Variants in CTBS observed in about 807,000 individuals in gnomAD.
CTBS encodes the protein chitobiase.
CTBS carries 35 observed loss-of-function variants against 44.3 expected under a neutral mutation model. The observed-to-expected ratio is 0.79, with a 90% CI of 0.60 to 1.05. The LOEUF (loss-of-function observed/expected upper bound fraction) is 1.05, where lower values mean the gene tolerates loss of function less well. Ranked by LOEUF, CTBS falls within the 50% of genes least tolerant of loss-of-function variation. The pLI, the probability that CTBS is intolerant of heterozygous loss-of-function variation, is 0.00. For synonymous variants in CTBS, 143 were observed against 168.0 expected, an observed-to-expected ratio of 0.85 and a Z score of 1.15; for missense variants, 458 against 475.3, an observed-to-expected ratio of 0.96 and a Z score of 0.34.
Position 84,550,603 on chromosome 1 carries a change from T to G in CTBS, c.*4396A>C. On this transcript the variant is annotated 3_prime_UTR_variant, in exon 7 of 7. Coordinates refer to ENST00000370630, the MANE Select transcript of CTBS (RefSeq NM_004388.3). ...ATAAAATATTTTGGTGTTTTAACTT[T>G]GGGTGTCAATAATATAAGGGTAGCC... The G allele has an allele frequency of 7.1e-7, 1 of 1,401,496 alleles. No homozygotes were observed. Among genetic ancestry groups the G allele is most frequent in the Non-Finnish European group, 9.3e-7 (1 of 1,070,608 alleles). The allele number at this position is 1,401,496 out of a possible 1,614,324, so 86.8% of individuals were successfully genotyped here.
chr1:84,570,213 C>T, intron 2 of CTBS, 74 bp from the exon 3 acceptor site: 3 of 1,253,874 alleles, frequency 2.4e-6, no homozygotes, highest in Admixed American at 2.4e-5. Flanking sequence ...AAGCCCTTAA[C>T]TGAAGTTTTC....
At position 84,551,302 on chromosome 1, in the gene CTBS, G is replaced by A; in HGVS notation, c.*3697C>T. On this transcript the variant is annotated 3_prime_UTR_variant, in exon 7 of 7. Coordinates refer to ENST00000370630, the MANE Select transcript of CTBS (RefSeq NM_004388.3). ...GAATAATGACTGCATTCTAGAATTA[G>A]CTCTTTTTAAAAAAATTTTAAAAAG... 1.0e-6 allele frequency: 1 copy of A among 976,126 alleles called. No individual in the cohort carries two copies. 60.5% of individuals were successfully genotyped at this position (976,126 alleles called of 1,614,324 possible). A position where few individuals can be genotyped will look rare whatever the true frequency, so the allele number is the denominator to read the frequency against.
chr1:84,570,964 G>A (rs1647285553), intron 1 of CTBS, among the ~76,000 whole-genome samples: 1 of 152,266 alleles, frequency 6.6e-6, no homozygotes, highest in South Asian at 2.1e-4. Flanking sequence ...GAGACAACAT[G>A]GTGGTTGCGT....
At position 84,571,853 on chromosome 1, in the gene CTBS, G is replaced by A. The variant is rs571258556; in HGVS notation, c.178-1133C>T. 2.0e-5 allele frequency among the ~76,000 whole-genome samples: 3 copies of A among 152,316 alleles called. No homozygotes were observed. In the South Asian group the frequency reaches 6.2e-4, roughly 32 times the overall value. On this transcript the variant is annotated intron_variant, in intron 1 of 6. Coordinates refer to ENST00000370630, the MANE Select transcript of CTBS (RefSeq NM_004388.3). ...GTGGGCTGAAATCAGCAGAATGATG[G>A]AAGAGATATACCTATGGACAAAAGA...
chr1:84,570,700 T>TC lies in CTBS; in HGVS notation c.197dup (p.Gln67ThrfsTer8). The TC allele has an allele frequency of 6.2e-7, 1 of 1,613,544 alleles. No individual in the cohort carries two copies. The highest frequency in any genetic ancestry group is 1.1e-5 in the South Asian group (1 of 90,978). On this transcript the variant is annotated frameshift_variant, in exon 2 of 7. Coordinates refer to ENST00000370630, the MANE Select transcript of CTBS (RefSeq NM_004388.3). LOFTEE classifies it high-confidence loss of function. ...AATCATAAGATTTCCAAGTTTTCTGTCCAACATCAAACACAAAGACCTGCC... is the reference window on the plus strand; with the variant it reads ...AATCATAAGATTTCCAAGTTTTCTGTCCCAACATCAAACACAAAGACCTGCC...
chr1:84,574,025 C>A (rs1647393115), intron 1 of CTBS: 1 of 1,407,488 alleles, frequency 7.1e-7, no homozygotes, highest in Middle Eastern at 2.2e-4. Context: ...CCTACGCAGG[C>A]ACTTACAGGC....
chr1:84,574,269 G>A lies in CTBS; in HGVS notation c.147C>T (p.Cys49=), dbSNP rs1408237841. ...TDCPCPEPEL[C]RPIRHHPDFE... ...AATCTGGATGGTGGCGAATCGGGCG[G>A]CAGAGCTCAGGCTCCGGGCATGGGC... Residue 49 remains cysteine, a synonymous_variant, in exon 1 of 7, where the codon TGC becomes TGT. Coordinates refer to ENST00000370630, the MANE Select transcript of CTBS (RefSeq NM_004388.3). 6.3e-7 allele frequency: 1 copy of A among 1,599,144 alleles called. No individual in the cohort carries two copies. Among genetic ancestry groups the A allele is most frequent in the Non-Finnish European group, 8.5e-7 (1 of 1,174,138 alleles).
Position 84,550,640 on chromosome 1 carries a change from T to C in CTBS, c.*4359A>G. 7.8e-7 allele frequency: 1 copy of C among 1,280,038 alleles called. No individual in the cohort carries two copies. Among genetic ancestry groups the C allele is most frequent in the South Asian group, 2.9e-5 (1 of 34,062 alleles). The allele number at this position is 1,280,038 out of a possible 1,614,324, so 79.3% of individuals were successfully genotyped here. ...ATATAAGGGTAGCCAGGATTGACTG[T>C]ATTAAAATTGTTACCTTAACAGTAA... On this transcript the variant is annotated 3_prime_UTR_variant, in exon 7 of 7. Coordinates refer to ENST00000370630, the MANE Select transcript of CTBS (RefSeq NM_004388.3).
intron 1 of CTBS, chr1:84,573,796 C>A: frequency 1.4e-6 from 1 of 717,340 alleles, no homozygotes; most frequent in Non-Finnish European, 1.7e-6. Context: ...AAGGAAAGGG[C>A]TAGCAGGTAT....
intron 3 of CTBS, among the ~76,000 whole-genome samples, chr1:84,569,356 A>G (rs1647228212): frequency 6.6e-6 from 1 of 152,186 alleles, no homozygotes; most frequent in Admixed American, 6.5e-5. Flanking sequence ...TATGTGGCCA[A>G]GTTTGAGGAT....
At chr1:84,557,445 A>G (rs938565501) in intron 6 of CTBS, among the ~76,000 whole-genome samples, 1 of 145,494 alleles carries the variant, frequency 6.9e-6, no homozygotes, top group Non-Finnish European at 1.5e-5. Context: ...AGGCAGGAGA[A>G]TTGCTTGAAC....
chr1:84,573,715 G>A (rs1352992759), intron 1 of CTBS, among the ~76,000 whole-genome samples: 1 of 152,204 alleles, frequency 6.6e-6, no homozygotes, highest in Non-Finnish European at 1.5e-5. Context: ...AAATTGTTAT[G>A]TAGATAGAAG....
intron 4 of CTBS, 115 bp from the exon 5 acceptor site, chr1:84,563,947 C>T (rs1260441046): frequency 5.8e-6 from 7 of 1,204,388 alleles, no homozygotes; most frequent in African/African-American, 1.6e-5. Context: ...TTATAAAAAA[C>T]ACTAATATTG....
At chr1:84,566,693 C>T (rs561361921) in intron 3 of CTBS, among the ~76,000 whole-genome samples, 5 of 152,216 alleles carry the variant, frequency 3.3e-5, no homozygotes, top group African/African-American at 1.2e-4. Context: ...AGTGCAGTGG[C>T]GCAATCTCAG....
chr1:84,561,399 A>G (rs576076454), intron 6 of CTBS, among the ~76,000 whole-genome samples: 1 of 152,374 alleles, frequency 6.6e-6, no homozygotes, highest in South Asian at 2.1e-4. Flanking sequence ...GCTACTTCTT[A>G]TGAATACGCA....
chr1:84,563,535 A>T, intron 5 of CTBS, 117 bp from the exon 6 acceptor site: 1 of 776,100 alleles, frequency 1.3e-6, no homozygotes, highest in Non-Finnish European at 1.8e-6. Flanking sequence ...ACCTGACTAT[A>T]CAGAAAAAAG....
At chr1:84,567,012 G>A (rs1259730788) in intron 3 of CTBS, among the ~76,000 whole-genome samples, 1 of 152,098 alleles carries the variant, frequency 6.6e-6, no homozygotes, top group East Asian at 1.9e-4. Context: ...ATATTAATTA[G>A]CCTTATTTTA....
rs1426865371 is a variant in CTBS, at chr1:84,574,390, C to T, written c.26G>A (p.Trp9Ter). 6 of 1,559,098 alleles carry T rather than the reference C, an allele frequency of 3.8e-6. No homozygotes were observed. The highest frequency in any genetic ancestry group is 5.2e-6 in the Non-Finnish European group (6 of 1,153,342). The change falls in exon 1 of 7, where the codon TGG becomes TAG. Residue 9 changes from tryptophan to a stop codon, truncating the protein, a stop_gained. Transcript: ENST00000370630. LOFTEE classifies it high-confidence loss of function. ...GCTCGGCGGGCTAGAGACGAGGCGC[C>T]AGCGTCGAAGCTGCGGCCGGGACAT... Reference protein sequence around the residue: MSRPQLRRWRLVSSPPSGV... With the variant: MSRPQLRR
intron 2 of CTBS, among the ~76,000 whole-genome samples, 162 bp downstream of exon 2, chr1:84,570,420 G>T (rs1201461514): frequency 6.6e-6 from 1 of 152,186 alleles, no homozygotes; most frequent in Non-Finnish European, 1.5e-5. Flanking sequence ...CTTTTAAAAA[G>T]ATCTGTGTTT....
Sources: gnomAD v4.1 joint callset for allele counts (sites outside exome capture counted in the v4.1 genomes callset) on GRCh38, gnomAD v4.1.1 for gene constraint, MANE v1.5 for transcripts, NCBI Gene and HGNC (gene_info 2026-07-23, HGNC 2026-07-21) for gene names.